Variants in MCPH1 observed in about 807,000 individuals in gnomAD.
The protein encoded by MCPH1 is microcephalin 1, also known as microcephalin.
In MCPH1, 104 loss-of-function variants were observed where a neutral mutation model predicts 84.5. The observed-to-expected ratio is 1.23, with a 90% confidence interval of 1.05 to 1.45. MCPH1 has a LOEUF of 1.45. MCPH1 is among the 40% of genes most tolerant of loss of function. The probability of loss-of-function intolerance (pLI) is 0.00; values close to 1 mark genes in which losing one functional copy is unlikely to be tolerated. For missense variants in MCPH1, 1,498 were observed against 1,005.7 expected (o/e 1.49, Z -6.62); for synonymous variants, 514 against 366.8 (o/e 1.40, Z -4.58).
intron 8 of MCPH1, among the ~76,000 whole-genome samples, chr8:6,451,266 CTGTT>C (rs1805050216): frequency 6.6e-6 from 1 of 152,174 alleles, no homozygotes; most frequent in Non-Finnish European, 1.5e-5. Context: ...GACCACTTAA[CTGTT>C]TGGTTGATTC....
At position 6,473,875 on chromosome 8, in the gene MCPH1, C is replaced by G. The variant is rs894031543; in HGVS notation, c.1936-3719C>G. ...TATAATCTTTGATCCACTGCTCAAT[C>G]CATTTCAAGATCTGATCTACATTAT... On this transcript the variant is annotated intron_variant, in intron 9 of 13. Coordinates refer to ENST00000344683, the MANE Select transcript of MCPH1 (RefSeq NM_024596.5). 4.0e-6 allele frequency: 6 copies of G among 1,509,112 alleles called. No individual in the cohort carries two copies. In the African/African-American group the frequency reaches 5.6e-5, roughly 14 times the overall value. 93.5% of individuals were successfully genotyped at this position (1,509,112 alleles called of 1,614,324 possible). A position where few individuals can be genotyped will look rare whatever the true frequency, so the allele number is the denominator to read the frequency against.
At chr8:6,482,362 C>T (rs1328501939) in intron 11 of MCPH1, among the ~76,000 whole-genome samples, 5 of 152,178 alleles carry the variant, frequency 3.3e-5, no homozygotes. Flanking sequence ...ATATAGGGTT[C>T]AGAACTATCC....
At chr8:6,459,881 G>T (rs1806087246) in intron 9 of MCPH1, among the ~76,000 whole-genome samples, 1 of 152,226 alleles carries the variant, frequency 6.6e-6, no homozygotes, top group Admixed American at 6.5e-5. Flanking sequence ...AGAAAGGTGG[G>T]AAGGCCTGGA....
chr8:6,509,265 T>G (rs1310337437), intron 12 of MCPH1, among the ~76,000 whole-genome samples: 1 of 152,210 alleles, frequency 6.6e-6, no homozygotes, highest in South Asian at 2.1e-4. Flanking sequence ...AGAGGGATGT[T>G]TTCATGAAAC....
intron 12 of MCPH1, among the ~76,000 whole-genome samples, chr8:6,576,626 G>C (rs887349064): frequency 2.8e-4 from 39 of 140,306 alleles, no homozygotes; most frequent in African/African-American, 9.9e-4. Flanking sequence ...TTCTGCCTCA[G>C]CCTTCTGAGT....
At chr8:6,408,413 G>A (rs1798047306) in intron 1 of MCPH1, among the ~76,000 whole-genome samples, 1 of 151,946 alleles carries the variant, frequency 6.6e-6, no homozygotes, top group African/African-American at 2.4e-5. Flanking sequence ...GTAGAGCCAG[G>A]GTCTCACTAT....
chr8:6,489,366 C>T (rs981807393), intron 11 of MCPH1, among the ~76,000 whole-genome samples: 1 of 151,808 alleles, frequency 6.6e-6, no homozygotes, highest in African/African-American at 2.4e-5. Context: ...GGGGGAGACA[C>T]CAGGGGAACA....
intron 7 of MCPH1, 43 bp downstream of exon 7, chr8:6,442,199 A>G (rs771191596): frequency 8.0e-7 from 1 of 1,244,488 alleles, no homozygotes; most frequent in African/African-American, 1.5e-5. Flanking sequence ...TTAAGTTTTG[A>G]GAATAATATG....
chr8:6,595,477 C>T (rs1472688667), intron 12 of MCPH1, among the ~76,000 whole-genome samples: 1 of 152,174 alleles, frequency 6.6e-6, no homozygotes, highest in Middle Eastern at 3.2e-3. Flanking sequence ...AGCTGGCCAG[C>T]TGCATGCACA....
chr8:6,409,093 G>T (rs561375821), intron 1 of MCPH1, among the ~76,000 whole-genome samples, 186 bp from the exon 2 acceptor site: 3 of 151,678 alleles, frequency 2.0e-5, no homozygotes, highest in Non-Finnish European at 2.9e-5. Flanking sequence ...CACCATGTTG[G>T]CCCGGCTGGT....
intron 13 of MCPH1, among the ~76,000 whole-genome samples, chr8:6,639,656 C>A (rs556392649): frequency 1.5e-3 from 225 of 149,940 alleles, no homozygotes; most frequent in African/African-American, 5.2e-3. Context: ...GATCAAGATC[C>A]TGTCTCTTTA....
At chr8:6,504,044 C>T (rs550594277) in intron 12 of MCPH1, among the ~76,000 whole-genome samples, 8 of 152,302 alleles carry the variant, frequency 5.3e-5, no homozygotes, top group South Asian at 2.1e-4. Flanking sequence ...AGGGGCCGGG[C>T]GCAGTGGCTC....
intron 11 of MCPH1, among the ~76,000 whole-genome samples, chr8:6,486,321 G>T (rs148568957): frequency 5.4e-5 from 8 of 149,046 alleles, no homozygotes; most frequent in Middle Eastern, 3.2e-3. Context: ...TCGCTCTCTC[G>T]TCCTCCTCCT....
chr8:6,623,462 A>C (rs912574884), intron 13 of MCPH1, among the ~76,000 whole-genome samples: 1 of 151,652 alleles, frequency 6.6e-6, no homozygotes, highest in Non-Finnish European at 1.5e-5. Context: ...CATGTCTCTA[A>C]ATCCTAAACT....
chr8:6,619,276 G>A (rs1831167402), intron 12 of MCPH1: 1 of 152,198 alleles, frequency 6.6e-6, no homozygotes, highest in African/African-American at 2.4e-5. Flanking sequence ...CTTCCGTATT[G>A]CTTCAACAAT....
intron 8 of MCPH1, among the ~76,000 whole-genome samples, chr8:6,449,830 G>A (rs1804882056): frequency 1.3e-5 from 2 of 152,202 alleles, no homozygotes; most frequent in East Asian, 3.9e-4. Flanking sequence ...CTGACCCTTA[G>A]CACTGCCAAT....
chr8:6,460,825 C>T (rs1388826000), intron 9 of MCPH1, among the ~76,000 whole-genome samples: 1 of 152,104 alleles, frequency 6.6e-6, no homozygotes, highest in Non-Finnish European at 1.5e-5. Context: ...TTTCTTCTTC[C>T]ATGACTCACT....
chr8:6,444,715 T>C lies in MCPH1; in HGVS notation c.993T>C (p.Arg331=). ...AGGAGACGTTTGAAGAGAAGTATCG[T>C]TTGTCTCCTACCTTATCTTCAACAA... ...MSQETFEEKY[R]LSPTLSSTKG... Residue 331 remains arginine (R), a synonymous_variant, in exon 8 of 14, where the codon CGT becomes CGC. Transcript: ENST00000344683. The C allele has an allele frequency of 2.5e-6, 4 of 1,614,042 alleles. No individual in the cohort carries two copies. The highest frequency in any genetic ancestry group is 1.3e-5 in the African/African-American group (1 of 75,048).
chr8:6,521,492 G>C, intron 12 of MCPH1: 1 of 1,018,760 alleles, frequency 9.8e-7, no homozygotes, highest in Non-Finnish European at 1.4e-6. Flanking sequence ...CTTCTCCAAG[G>C]TACTCTGTTA....
Sources: allele counts gnomAD v4.1 joint callset (sites outside exome capture counted in the v4.1 genomes callset), GRCh38; gene constraint gnomAD v4.1.1; transcripts MANE v1.5; gene names NCBI Gene and HGNC (gene_info 2026-07-23, HGNC 2026-07-21).